Variants in MACROD2 observed in about 807,000 individuals in gnomAD.
MACROD2 encodes ADP-ribose glycohydrolase MACROD2.
MACROD2 carries 36 observed loss-of-function variants against 70.4 expected under a neutral mutation model. The observed-to-expected ratio is 0.51, with a 90% CI of 0.39 to 0.68. The LOEUF (loss-of-function observed/expected upper bound fraction) is 0.68, where lower values mean the gene tolerates loss of function less well. Ranked by LOEUF, MACROD2 falls within the 30% of genes least tolerant of loss-of-function variation. The probability of loss-of-function intolerance (pLI) is 0.00; values close to 1 mark genes in which losing one functional copy is unlikely to be tolerated. For synonymous variants in MACROD2, 172 were observed against 178.8 expected (o/e 0.96, Z 0.30); for missense variants, 496 against 538.4 (o/e 0.92, Z 0.78).
intron 8 of MACROD2, among the ~76,000 whole-genome samples, chr20:15,725,889 G>T (rs1052047599): frequency 1.3e-5 from 2 of 151,480 alleles, no homozygotes; most frequent in African/African-American, 2.4e-5. Context: ...AACATCTGCG[G>T]GTTTGTTATA....
At chr20:14,004,206 G>A (rs1201020201) in intron 2 of MACROD2, among the ~76,000 whole-genome samples, 3 of 152,144 alleles carry the variant, frequency 2.0e-5, no homozygotes, top group African/African-American at 4.8e-5. Context: ...TTTGCATTAG[G>A]ACTACTCAAC....
chr20:15,813,190 T>C lies in MACROD2; in HGVS notation c.646-49555T>C, dbSNP rs79414757. Among the ~76,000 whole-genome samples the C allele has an allele frequency of 7.3e-3, 1,110 of 152,324 alleles. 10 individuals carry two copies. Among genetic ancestry groups the C allele is most frequent in the African/African-American group, 0.025 (1,038 of 41,580 alleles). The stretch of plus-strand genomic sequence containing the variant: ...CAAATTTATAGAAACCCAACTTGAA[T>C]TCTAACTCAGCAACTCAAAACCATT... On this transcript the variant is annotated intron_variant, in intron 8 of 17. Transcript: ENST00000684519.
chr20:15,310,193 G>C, intron 6 of MACROD2, among the ~76,000 whole-genome samples: 1 of 152,176 alleles, frequency 6.6e-6, no homozygotes, highest in Admixed American at 6.6e-5. Flanking sequence ...GCCTGGGAAA[G>C]AGTAACTTTT....
intron 4 of MACROD2, among the ~76,000 whole-genome samples, chr20:14,523,227 A>G (rs1446701676): frequency 6.6e-6 from 1 of 152,202 alleles, no homozygotes; most frequent in Non-Finnish European, 1.5e-5. Flanking sequence ...GGCCTCACCA[A>G]TAGATGGCTT....
At chr20:15,897,864 T>G (rs1479715777) in intron 10 of MACROD2, among the ~76,000 whole-genome samples, 1 of 152,222 alleles carries the variant, frequency 6.6e-6, no homozygotes, top group African/African-American at 2.4e-5. Context: ...GGTTATTTCC[T>G]CGTGTATTTT....
chr20:15,056,831 CAAAT>C (rs2075489916), intron 5 of MACROD2, among the ~76,000 whole-genome samples: 1 of 152,078 alleles, frequency 6.6e-6, no homozygotes, highest in Admixed American at 6.6e-5. Flanking sequence ...ATCACAACAA[CAAAT>C]AAGAACTAAT....
intron 3 of MACROD2, among the ~76,000 whole-genome samples, chr20:14,471,147 T>C (rs967564258): frequency 5.3e-5 from 8 of 152,114 alleles, no homozygotes; most frequent in African/African-American, 1.9e-4. Flanking sequence ...CAGGGCACAA[T>C]CCCTGTGGGC....
chr20:15,111,880 C>G lies in MACROD2; in HGVS notation c.419-118060C>G, dbSNP rs150369547. On this transcript the variant is annotated intron_variant, in intron 5 of 17. Transcript: ENST00000684519. ...TCTTTGAACTGTCAGATGCCAGGTG[C>G]TGTTAGGGCACCTCCACTCAGCCCC... 2.0e-5 allele frequency among the ~76,000 whole-genome samples: 3 copies of G among 152,322 alleles called. No homozygotes were observed. In the East Asian group the frequency reaches 5.8e-4, roughly 29 times the overall value.
chr20:14,063,119 T>C (rs1388062169), intron 2 of MACROD2, among the ~76,000 whole-genome samples: 3 of 152,212 alleles, frequency 2.0e-5, no homozygotes, highest in Non-Finnish European at 4.4e-5. Flanking sequence ...TTATAGTGTT[T>C]TTATGATTAA....
intron 5 of MACROD2, among the ~76,000 whole-genome samples, chr20:15,166,214 C>T (rs987531114): frequency 1.3e-5 from 2 of 152,138 alleles, no homozygotes; most frequent in African/African-American, 4.8e-5. Context: ...CTACAGTGGA[C>T]TGAATGTGTA....
intron 8 of MACROD2, among the ~76,000 whole-genome samples, chr20:15,609,298 T>C (rs2048934818): frequency 6.6e-6 from 1 of 152,200 alleles, no homozygotes. Flanking sequence ...GGTATCTTTG[T>C]TTTCTGAAAT....
chr20:15,671,246 C>G (rs2049975758), intron 8 of MACROD2, among the ~76,000 whole-genome samples: 2 of 152,166 alleles, frequency 1.3e-5, no homozygotes, highest in African/African-American at 2.4e-5. Context: ...GTTCCTAAAA[C>G]AGCAAGATGG....
At chr20:15,641,801 TG>T (rs2049464219) in intron 8 of MACROD2, among the ~76,000 whole-genome samples, 1 of 152,224 alleles carries the variant, frequency 6.6e-6, no homozygotes, top group African/African-American at 2.4e-5. Context: ...GATTTTTCTT[TG>T]TCTCCTAACC....
intron 5 of MACROD2, among the ~76,000 whole-genome samples, chr20:14,861,372 C>T (rs1160477269): frequency 6.6e-6 from 1 of 152,080 alleles, no homozygotes; most frequent in African/African-American, 2.4e-5. Flanking sequence ...GTTCCACGTC[C>T]TAGAGATTTT....
At chr20:14,901,986 A>G (rs1212793820) in intron 5 of MACROD2, among the ~76,000 whole-genome samples, 1 of 152,178 alleles carries the variant, frequency 6.6e-6, no homozygotes, top group Admixed American at 6.5e-5. Context: ...TAAAATTTAT[A>G]CAGTGGAACT....
At chr20:16,012,144 C>T (rs1276781459) in intron 15 of MACROD2, among the ~76,000 whole-genome samples, 1 of 152,222 alleles carries the variant, frequency 6.6e-6, no homozygotes, top group East Asian at 1.9e-4. Flanking sequence ...AGGGGTCACT[C>T]TCCTAGCACA....
At chr20:15,589,468 A>G (rs1162165040) in intron 8 of MACROD2, among the ~76,000 whole-genome samples, 3 of 152,204 alleles carry the variant, frequency 2.0e-5, no homozygotes, top group Non-Finnish European at 1.5e-5. Flanking sequence ...AGCTTCCCTC[A>G]TTATCAATAT....
chr20:14,053,964 C>T (rs146307527), intron 2 of MACROD2, among the ~76,000 whole-genome samples: 15 of 151,944 alleles, frequency 9.9e-5, no homozygotes, highest in East Asian at 5.8e-4. Flanking sequence ...TGATCCTAAA[C>T]GGTAAATTAA....
intron 3 of MACROD2, among the ~76,000 whole-genome samples, chr20:14,174,887 C>G (rs1569191168): frequency 6.6e-6 from 1 of 152,168 alleles, no homozygotes; most frequent in Non-Finnish European, 1.5e-5. Flanking sequence ...GTATTTCACT[C>G]AGTTCTCTAA....
Sources: allele counts gnomAD v4.1 joint callset (sites outside exome capture counted in the v4.1 genomes callset), GRCh38; gene constraint gnomAD v4.1.1; transcripts MANE v1.5; gene names NCBI Gene and HGNC (gene_info 2026-07-23, HGNC 2026-07-21).